UBR2: variants seen among roughly 807,000 people sequenced by gnomAD.
The protein encoded by UBR2 is ubiquitin protein ligase E3 component n-recognin 2, also known as E3 ubiquitin-protein ligase UBR2.
In UBR2, 92 loss-of-function variants were observed where a neutral mutation model predicts 247.9. The ratio of observed to expected loss-of-function variants is 0.37; its 90% CI spans 0.31 to 0.44. The LOEUF is 0.44. UBR2 is among the 20% of genes least tolerant of loss of function. The probability of loss-of-function intolerance (pLI) is 1.00; values close to 1 mark genes in which losing one functional copy is unlikely to be tolerated. For synonymous variants in UBR2, 672 were observed against 693.5 expected, an observed-to-expected ratio of 0.97 and a Z score of 0.49; for missense variants, 1,613 against 2,112.6, an observed-to-expected ratio of 0.76 and a Z score of 4.64.
intron 7 of UBR2, among the ~76,000 whole-genome samples, chr6:42,606,937 G>A (rs1719555710): frequency 6.6e-6 from 1 of 151,872 alleles, no homozygotes; most frequent in South Asian, 2.1e-4. Flanking sequence ...GTAGAATTTT[G>A]TGTTACTTCT....
intron 5 of UBR2, 104 bp from the exon 6 acceptor site, chr6:42,605,617 C>T (rs1793650206): frequency 3.0e-6 from 3 of 996,912 alleles, no homozygotes; most frequent in Admixed American, 2.6e-5. Context: ...GATATGTGTC[C>T]AGTACCTAGC....
intron 2 of UBR2, among the ~76,000 whole-genome samples, chr6:42,585,018 C>G (rs901022858): frequency 1.3e-5 from 2 of 151,960 alleles, no homozygotes; most frequent in African/African-American, 4.8e-5. Context: ...GATATTCTTT[C>G]CTTGTTCCCA....
At chr6:42,641,957 C>T (rs59744054) in intron 17 of UBR2, among the ~76,000 whole-genome samples, 3,551 of 152,036 alleles carry the variant, frequency 0.023, 125 homozygotes, top group African/African-American at 0.081. Flanking sequence ...AAAATAAAAA[C>T]CCAGATTTTA....
Position 42,684,917 on chromosome 6 carries a change from CCT to C in UBR2, c.4853+51_4853+52del, listed in dbSNP as rs1799289272. The C allele has an allele frequency of 4.0e-6, 6 of 1,484,322 alleles. No homozygotes were observed. The East Asian group carries it at 1.1e-4, about 28-fold the overall frequency. 91.9% of individuals were successfully genotyped at this position (1,484,322 alleles called of 1,614,324 possible). A position where few individuals can be genotyped will look rare whatever the true frequency, so the allele number is the denominator to read the frequency against. The stretch of plus-strand genomic sequence containing the variant: ...TGAACATTCCCTGCCACTGGAAACA[CCT>C]CTCTACAAAGAATTTGAAGGATTTT... On this transcript the variant is annotated intron_variant, in intron 44 of 46. Transcript: ENST00000372901.
chr6:42,577,456 T>A (rs1791595578), intron 2 of UBR2, among the ~76,000 whole-genome samples: 1 of 152,232 alleles, frequency 6.6e-6, no homozygotes, highest in African/African-American at 2.4e-5. Flanking sequence ...TCGTAGGCAG[T>A]AAGCTACTTT....
At chr6:42,578,608 T>A (rs1230948877) in intron 2 of UBR2, among the ~76,000 whole-genome samples, 1 of 152,078 alleles carries the variant, frequency 6.6e-6, no homozygotes, top group Non-Finnish European at 1.5e-5. Context: ...AGGTTTTTTT[T>A]AATTGAATAC....
At chr6:42,606,118 C>T (rs186834466) in intron 6 of UBR2, among the ~76,000 whole-genome samples, 46 of 152,022 alleles carry the variant, frequency 3.0e-4, no homozygotes, top group African/African-American at 1.1e-3. Context: ...TGGCATGAGC[C>T]GGTAATCCCA....
At chr6:42,672,331 C>A (rs1798496703) in intron 36 of UBR2, among the ~76,000 whole-genome samples, 1 of 152,076 alleles carries the variant, frequency 6.6e-6, no homozygotes, top group Non-Finnish European at 1.5e-5. Context: ...CCATTCCCGG[C>A]CTAGATACAT....
At chr6:42,672,040 C>CTT (rs56166922) in intron 36 of UBR2, among the ~76,000 whole-genome samples, 8 of 149,580 alleles carry the variant, frequency 5.3e-5, no homozygotes, top group South Asian at 2.1e-4. Context: ...AAATTGAAGT[C>CTT]TTTTTTTTTT....
intron 21 of UBR2, 35 bp from the exon 22 acceptor site, chr6:42,648,083 T>C: frequency 6.3e-7 from 1 of 1,585,908 alleles, no homozygotes; most frequent in Non-Finnish European, 8.7e-7. Context: ...GTAGTTATTA[T>C]TAACATGAAA....
chr6:42,643,802 G>A (rs1040079406), intron 18 of UBR2, among the ~76,000 whole-genome samples: 1 of 152,114 alleles, frequency 6.6e-6, no homozygotes, highest in Non-Finnish European at 1.5e-5. Context: ...AATATGATCT[G>A]TATTTTTAAA....
Position 42,658,826 on chromosome 6 carries a change from T to TAAAA in UBR2, c.3242+19_3242+22dup, listed in dbSNP as rs35416750. 5.6e-5 allele frequency: 74 copies of TAAAA among 1,309,810 alleles called. No individual in the cohort carries two copies. The highest frequency in any genetic ancestry group is 2.3e-4 in the Middle Eastern group (1 of 4,348). 81.1% of individuals were successfully genotyped at this position (1,309,810 alleles called of 1,614,324 possible). On this transcript the variant is annotated splice_region_variant and intron_variant, in intron 29 of 46. Transcript: ENST00000372901. ...AACCTCTGCTGTTCTTGATCATAGG[T>TAAAA]AAAAAAAAAAAAAAAAAAAATTAAT...
intron 32 of UBR2, among the ~76,000 whole-genome samples, chr6:42,663,879 C>T (rs1562377402): frequency 6.6e-6 from 1 of 152,122 alleles, no homozygotes; most frequent in Admixed American, 6.6e-5. Context: ...AAAATCTCAG[C>T]TGGGCGTTGT....
chr6:42,681,800 A>G (rs913138809), intron 42 of UBR2, among the ~76,000 whole-genome samples: 9 of 152,210 alleles, frequency 5.9e-5, no homozygotes, highest in Non-Finnish European at 8.8e-5. Flanking sequence ...TTATACACCC[A>G]CATTTATAGC....
intron 4 of UBR2, among the ~76,000 whole-genome samples, chr6:42,602,915 A>G (rs2151927008): frequency 6.6e-6 from 1 of 152,246 alleles, no homozygotes; most frequent in East Asian, 1.9e-4. Flanking sequence ...CATTAAGATG[A>G]AAGATAGTGC....
intron 7 of UBR2, 97 bp downstream of exon 7, chr6:42,606,748 T>A: frequency 1.0e-6 from 1 of 1,000,464 alleles, no homozygotes; most frequent in African/African-American, 1.7e-5. Flanking sequence ...CTTTCTCAAA[T>A]GAAAACCAAA....
In UBR2 at chr6:42,646,262, A is replaced by C. The variant is rs1796747569; in HGVS notation, c.2409+672A>C. Among the ~76,000 whole-genome samples the C allele has an allele frequency of 2.0e-5, 3 of 152,168 alleles. No individual in the cohort carries two copies. In the South Asian group the frequency reaches 6.2e-4, roughly 31 times the overall value. On this transcript the variant is annotated intron_variant, in intron 21 of 46. Coordinates refer to ENST00000372901, the MANE Select transcript of UBR2 (RefSeq NM_001363705.2). The stretch of plus-strand genomic sequence containing the variant: ...GCCCTAATTTGAAACATAGATCAAA[A>C]CCTTCAACCTTAATTAACATTTATT...
At chr6:42,663,138 GT>G in intron 31 of UBR2, 119 bp from the exon 32 acceptor site, 1 of 821,546 alleles carries the variant, frequency 1.2e-6, no homozygotes, top group Non-Finnish European at 1.7e-6. Flanking sequence ...AAATAATTTA[GT>G]TTAAGATTTT....
At chr6:42,670,976 G>A (rs1404631025) in intron 36 of UBR2, among the ~76,000 whole-genome samples, 3 of 152,076 alleles carry the variant, frequency 2.0e-5, no homozygotes, top group Non-Finnish European at 2.9e-5. Flanking sequence ...ACCTGAGGTC[G>A]GGAGTTTAAG....
Sources: allele counts gnomAD v4.1 joint callset (sites outside exome capture counted in the v4.1 genomes callset), GRCh38; gene constraint gnomAD v4.1.1; transcripts MANE v1.5; gene names NCBI Gene and HGNC (gene_info 2026-07-23, HGNC 2026-07-21).